The following KLC1 variants were observed in gnomAD, a reference collection of about 807,000 sequenced individuals.
KLC1 encodes kinesin light chain 1.
A neutral mutation model predicts 84.2 loss-of-function variants in KLC1; 30 were observed. The ratio of observed to expected loss-of-function variants is 0.36; its 90% CI spans 0.27 to 0.48. The LOEUF is 0.48. KLC1 is among the 20% of genes least tolerant of loss of function. KLC1 has a pLI of 0.99. For synonymous variants in KLC1, 289 were observed against 293.3 expected (o/e 0.99, Z 0.15); for missense variants, 499 against 805.4 (o/e 0.62, Z 4.60).
chr14:103,692,291 G>A, intron 14 of KLC1, 68 bp from the exon 15 acceptor site: 1 of 1,450,886 alleles, frequency 6.9e-7, no homozygotes, highest in Non-Finnish European at 9.3e-7. Context: ...GGCTTTGCTT[G>A]TGCTTCCTGT....
intron 9 of KLC1, among the ~76,000 whole-genome samples, chr14:103,673,747 C>G (rs1379362386): frequency 1.3e-5 from 2 of 152,058 alleles, no homozygotes. Flanking sequence ...CACAGTGAAA[C>G]CCCGTCTCTA....
intron 13 of KLC1, chr14:103,686,313 G>T (rs2081777657): frequency 2.8e-6 from 2 of 711,640 alleles, no homozygotes; most frequent in Admixed American, 6.3e-5. Flanking sequence ...GGGTCATGGG[G>T]TGACAGTTCA....
At chr14:103,665,476 C>T (rs992667058) in intron 5 of KLC1, among the ~76,000 whole-genome samples, 1 of 152,088 alleles carries the variant, frequency 6.6e-6, no homozygotes, top group Non-Finnish European at 1.5e-5. Flanking sequence ...CTCTTGTCGC[C>T]CAGGCTAGAG....
At chr14:103,654,136 T>C (rs2078673421) in intron 1 of KLC1, among the ~76,000 whole-genome samples, 1 of 152,236 alleles carries the variant, frequency 6.6e-6, no homozygotes, top group African/African-American at 2.4e-5. Context: ...TTTTTCTTTC[T>C]TCTTCCAGCT....
rs372486368 is a variant in KLC1 at position 103,675,727 on chromosome 14, C to T, written c.1350C>T (p.Gly450=). The change falls in exon 11 of 17, where the codon GGC becomes GGT. Residue 450 remains glycine, a synonymous_variant. Transcript: ENST00000334553. ...QKDGTSFGEY[G]GWYKACKVDS... is the part of the protein sequence containing the mutation. ...ATGGGACATCTTTTGGAGAGTATGG[C>T]GGCTGGTACAAAGCCTGCAAAGTTG... The T allele has an allele frequency of 1.5e-4, 250 of 1,613,634 alleles. No individual in the cohort carries two copies. Among genetic ancestry groups the T allele is most frequent in the Non-Finnish European group, 2.0e-4 (236 of 1,179,878 alleles).
rs1014789886 is a variant in KLC1 at position 103,677,472 on chromosome 14, A to G, written c.1437A>G (p.Lys479=). 1 of 1,614,132 alleles carries G rather than the reference A, an allele frequency of 6.2e-7. No homozygotes were observed. Among genetic ancestry groups the G allele is most frequent in the Non-Finnish European group, 8.5e-7 (1 of 1,179,994 alleles). Residue 479 remains lysine, a synonymous_variant, in exon 12 of 17, where the codon AAA becomes AAG. Coordinates refer to ENST00000334553, the MANE Select transcript of KLC1 (RefSeq NM_001394837.1). ...GGGCACTTTACAGACGTCAAGGCAA[A>G]TTTGAAGCTGCAGAAACGTTAGAAG... The part of the protein sequence containing the change: ...NLGALYRRQG[K]FEAAETLEEA...
At position 103,695,172 on chromosome 14, in the gene KLC1, A is replaced by ATT. The variant is rs201123604; in HGVS notation, c.1848+2748_1848+2749insTT. 3.4e-6 allele frequency: 3 copies of ATT among 894,772 alleles called. No individual in the cohort carries two copies. In the East Asian group the frequency reaches 3.6e-4, roughly 107 times the overall value. The allele number at this position is 894,772 out of a possible 1,614,324, so 55.4% of individuals were successfully genotyped here. On this transcript the variant is annotated intron_variant, in intron 15 of 16. Transcript: ENST00000334553. Reference sequence around the variant, plus strand: ...AAAATGTTAAATTATATATATATATATGGCTGGGTGCGGTGGTTCATGCCA... The same window carrying ATT: ...AAAATGTTAAATTATATATATATATATTTGGCTGGGTGCGGTGGTTCATGCCA...
At chr14:103,669,954 AAGTC>A (rs2080236231) in intron 6 of KLC1, among the ~76,000 whole-genome samples, 1 of 152,208 alleles carries the variant, frequency 6.6e-6, no homozygotes, top group Admixed American at 6.5e-5. Context: ...AATTTTTAAA[AAGTC>A]AGGAATACGT....
In KLC1 at chr14:103,662,762, C is replaced by T. The variant is rs558861357; in HGVS notation, c.632C>T (p.Ala211Val). Reference sequence around the variant, plus strand: ...CAGCAGGGCGGCTACGAGATCCCCGCGCGGCTGCGGACGCTCCACAACCTG... The same window carrying T: ...CAGCAGGGCGGCTACGAGATCCCCGTGCGGCTGCGGACGCTCCACAACCTG... ...AAQQGGYEIP[A>V]RLRTLHNLVI... is the part of the protein sequence containing the mutation. The change falls in exon 5 of 17, where the codon GCG becomes GTG. Residue 211 changes from alanine (A) to valine (V), a missense_variant. Physicochemically the swap from Ala to Val is moderately conservative, Grantham distance 64. Coordinates refer to ENST00000334553, the MANE Select transcript of KLC1 (RefSeq NM_001394837.1). The T allele has an allele frequency of 6.8e-6, 11 of 1,611,666 alleles. No homozygotes were observed. The highest frequency in any genetic ancestry group is 6.8e-6 in the Non-Finnish European group (8 of 1,179,296).
intron 13 of KLC1, chr14:103,685,898 A>T (rs551745862): frequency 8.9e-7 from 1 of 1,129,538 alleles, no homozygotes; most frequent in East Asian, 6.9e-5. Context: ...ACTGTGTAAT[A>T]CACGAGTTTA....
Position 103,657,534 on chromosome 14 carries a change from C to G in KLC1, c.262-12C>G, listed in dbSNP as rs781386070. 4.4e-6 allele frequency: 7 copies of G among 1,608,976 alleles called. No homozygotes were observed. In the South Asian group the frequency reaches 7.7e-5, roughly 18 times the overall value. On this transcript the variant is annotated splice_polypyrimidine_tract_variant and intron_variant, in intron 2 of 16. Coordinates refer to ENST00000334553, the MANE Select transcript of KLC1 (RefSeq NM_001394837.1). The stretch of plus-strand genomic sequence containing the variant: ...ACGTGCCACAGTGCTGCACACGTTT[C>G]TGTCTGCTCAGGTTATGATGGCTTT...
At chr14:103,637,093 G>A (rs1018693671) in intron 1 of KLC1, among the ~76,000 whole-genome samples, 5 of 151,280 alleles carry the variant, frequency 3.3e-5, no homozygotes, top group Admixed American at 3.3e-4. Flanking sequence ...CCAGGCTGAC[G>A]TATTTTTTAT....
At chr14:103,636,913 T>G (rs145428713) in intron 1 of KLC1, among the ~76,000 whole-genome samples, 2,549 of 151,128 alleles carry the variant, frequency 0.017, 62 homozygotes, top group African/African-American at 0.055. Flanking sequence ...TGTATTTTTA[T>G]TAGATATGGG....
chr14:103,681,693 G>A (rs1181278978), intron 13 of KLC1, among the ~76,000 whole-genome samples: 1 of 152,042 alleles, frequency 6.6e-6, no homozygotes, highest in Non-Finnish European at 1.5e-5. Context: ...TCCTGACCTC[G>A]TGATCTGCCC....
chr14:103,632,483 A>G (rs910087626), intron 1 of KLC1, among the ~76,000 whole-genome samples: 9 of 152,044 alleles, frequency 5.9e-5, no homozygotes, highest in Non-Finnish European at 1.2e-4. Flanking sequence ...TGGGAGGCCA[A>G]GATGGACCGA....
intron 1 of KLC1, among the ~76,000 whole-genome samples, chr14:103,633,247 C>T (rs566283276): frequency 2.6e-5 from 4 of 151,894 alleles, no homozygotes; most frequent in Non-Finnish European, 5.9e-5. Flanking sequence ...TTAGTAGAGT[C>T]GGGGTTTCAC....
intron 14 of KLC1, among the ~76,000 whole-genome samples, chr14:103,690,402 A>G (rs1237196570): frequency 6.6e-6 from 1 of 152,148 alleles, no homozygotes; most frequent in Non-Finnish European, 1.5e-5. Context: ...GCCTGGGGAT[A>G]AGGAAATTCA....
At chr14:103,677,868 G>A (rs1317911054) in intron 12 of KLC1, among the ~76,000 whole-genome samples, 2 of 152,010 alleles carry the variant, frequency 1.3e-5, no homozygotes, top group Non-Finnish European at 2.9e-5. Flanking sequence ...TCGGGAGGCT[G>A]AGACAGGAGA....
intron 3 of KLC1, among the ~76,000 whole-genome samples, chr14:103,659,633 A>G (rs1049078109): frequency 6.6e-6 from 1 of 152,194 alleles, no homozygotes; most frequent in African/African-American, 2.4e-5. Flanking sequence ...GATGCCAGAC[A>G]TGTTCATGTA....
Sources: allele counts gnomAD v4.1 joint callset (sites outside exome capture counted in the v4.1 genomes callset), GRCh38; gene constraint gnomAD v4.1.1; transcripts MANE v1.5; gene names NCBI Gene and HGNC (gene_info 2026-07-23, HGNC 2026-07-21).